Variants in PKD1 observed in about 807,000 individuals in gnomAD.
PKD1 encodes the protein polycystin 1, transient receptor potential channel interacting, also known as polycystin-1.
A neutral mutation model predicts 361.7 loss-of-function variants in PKD1; 81 were observed. The observed-to-expected ratio is 0.22, with a 90% CI of 0.19 to 0.27. PKD1 has a LOEUF of 0.27. PKD1 is among the 10% of genes least tolerant of loss of function. The pLI is 1.00. For missense variants in PKD1, 6,399 were observed against 6,118.3 expected, an observed-to-expected ratio of 1.05 and a Z score of -1.53; for synonymous variants, 3,615 against 2,818.3, an observed-to-expected ratio of 1.28 and a Z score of -8.95.
At chr16:2,125,707 T>C (rs56291459) in intron 1 of PKD1, among the ~76,000 whole-genome samples, 31,365 of 149,608 alleles carry the variant, frequency 0.21, 3,864 homozygotes, top group African/African-American at 0.32. Flanking sequence ...ATACGTATGC[T>C]ACCTGCCGCT....
intron 9 of PKD1, 148 bp from the exon 10 acceptor site, chr16:2,115,773 T>C: frequency 9.7e-7 from 1 of 1,026,912 alleles, no homozygotes. Context: ...TGCGTCCGTC[T>C]CCGGCCAGCC....
chr16:2,124,775 C>T (rs1012872231), intron 1 of PKD1, among the ~76,000 whole-genome samples: 2 of 152,202 alleles, frequency 1.3e-5, no homozygotes, highest in Non-Finnish European at 2.9e-5. Context: ...CCGCGCTGGC[C>T]GCCTCACTGG....
rs1350036043 is a variant in PKD1, at chr16:2,115,769, C to T, written c.1850-144G>A. 2.8e-5 allele frequency: 28 copies of T among 1,017,884 alleles called. 1 individual carries two copies. Among genetic ancestry groups the T allele is most frequent in the South Asian group, 9.3e-5 (6 of 64,856 alleles). 63.1% of individuals were successfully genotyped at this position (1,017,884 alleles called of 1,614,324 possible). A position where few individuals can be genotyped will look rare whatever the true frequency, so the allele number is the denominator to read the frequency against. ...AGCACTCCCAGCCCAGTGCTGCGTC[C>T]GTCTCCGGCCAGCCGACTGACCCAG... On this transcript the variant is annotated intron_variant, in intron 9 of 45. Coordinates refer to ENST00000262304, the MANE Select transcript of PKD1 (RefSeq NM_001009944.3).
rs2092262090 is a variant in PKD1 at position 2,104,593 on chromosome 16, T to G, written c.8066A>C (p.His2689Pro). Reference sequence around the variant, plus strand: ...GATGAGCATCATGGCCTCCAGCTTGTGCAGCGTCTGCTTCAGGCACGAGCG... The same window carrying G: ...GATGAGCATCATGGCCTCCAGCTTGGGCAGCGTCTGCTTCAGGCACGAGCG... ...VCRSCLKQTL[H>P]KLEAMMLILQ... Residue 2689 changes from histidine (H) to proline (P), a missense_variant, in exon 22 of 46, where the codon CAC (histidine) becomes CCC (proline). Physicochemically the swap from His to Pro is moderately conservative, Grantham distance 77 (BLOSUM62 -2). Coordinates refer to ENST00000262304, the MANE Select transcript of PKD1 (RefSeq NM_001009944.3). 2.5e-6 allele frequency: 4 copies of G among 1,597,322 alleles called. No individual in the cohort carries two copies. The highest frequency in any genetic ancestry group is 3.4e-6 in the Non-Finnish European group (4 of 1,173,228).
rs2092173953 is a variant in PKD1 at position 2,103,220 on chromosome 16, A to G, written c.8791+46T>C. On this transcript the variant is annotated intron_variant, in intron 23 of 45. Transcript: ENST00000262304. ...GCCCTACGAGAAACGCCTTCCCCCCAAGAACAAGGCCAGGGGGCCGCGTGT... is the reference window on the plus strand; with the variant it reads ...GCCCTACGAGAAACGCCTTCCCCCCGAGAACAAGGCCAGGGGGCCGCGTGT... 2.5e-6 allele frequency: 4 copies of G among 1,594,670 alleles called. No homozygotes were observed. The South Asian group carries it at 3.3e-5, about 13-fold the overall frequency.
chr16:2,123,574 C>A (rs1401688265), intron 1 of PKD1: 1 of 453,420 alleles, frequency 2.2e-6, no homozygotes, highest in Non-Finnish European at 4.4e-6. Flanking sequence ...CCACCCCGCC[C>A]CTCGGGCTTC....
chr16:2,112,318 C>T (rs748839399), intron 14 of PKD1, 22 bp downstream of exon 14: 18 of 1,579,740 alleles, frequency 1.1e-5, no homozygotes, highest in South Asian at 1.0e-4. Flanking sequence ...GGCAGTGGCC[C>T]CCTCACCCCC....
At chr16:2,114,068 G>C (rs914920250) in intron 11 of PKD1, 102 bp downstream of exon 11, 6 of 999,632 alleles carry the variant, frequency 6.0e-6, no homozygotes, top group African/African-American at 4.7e-5. Context: ...CCAGTAACTG[G>C]GCTGCTGCCC....
intron 16 of PKD1, chr16:2,107,269 G>A (rs968445842): frequency 3.0e-5 from 13 of 428,494 alleles, no homozygotes; most frequent in African/African-American, 4.1e-5. Flanking sequence ...TGGGTGTGAG[G>A]ACCGCAGCTG....
At chr16:2,091,649 G>A (rs1023153667) in intron 41 of PKD1, 52 bp from the exon 42 acceptor site, 5 of 1,556,448 alleles carry the variant, frequency 3.2e-6, no homozygotes, top group Middle Eastern at 2.0e-4. Flanking sequence ...GGGAGCTGCG[G>A]GGACCGCGCA....
At position 2,135,610 on chromosome 16, in the gene PKD1, C is replaced by G. The variant is rs1596636820; in HGVS notation, c.80G>C (p.Gly27Ala). The G allele has an allele frequency of 6.1e-6, 6 of 991,334 alleles. No individual in the cohort carries two copies. In the South Asian group the frequency reaches 2.7e-4, roughly 45 times the overall value. 61.4% of individuals were successfully genotyped at this position (991,334 alleles called of 1,614,324 possible). A position where few individuals can be genotyped will look rare whatever the true frequency, so the allele number is the denominator to read the frequency against. ...LWLGALAGGP[G>A]RGCGPCEPPC... The stretch of plus-strand genomic sequence containing the variant: ...GGGCTCGCAGGGCCCGCAGCCGCGC[C>G]CGGGGCCCCCCGCCAGCGCCCCGAG... The change falls in exon 1 of 46, where the codon GGG (glycine) becomes GCG (alanine). Residue 27 changes from glycine (G) to alanine (A), a missense_variant. Physicochemically the swap from Gly to Ala is moderately conservative, Grantham distance 60 (BLOSUM62 0). Coordinates refer to ENST00000262304, the MANE Select transcript of PKD1 (RefSeq NM_001009944.3).
At position 2,123,475 on chromosome 16, in the gene PKD1, C is replaced by T. The variant is rs1273547173; in HGVS notation, c.216-4097G>A. 6.6e-6 allele frequency: 3 copies of T among 456,378 alleles called. No homozygotes were observed. In the Admixed American group the frequency reaches 7.0e-5, roughly 11 times the overall value. The allele number at this position is 456,378 out of a possible 1,614,324, so 28.3% of individuals were successfully genotyped here. ...CCGTGGAGTCCTCACCTCGCTTGCT[C>T]CCGTACTTTTTCACGTCTCCATCTG... On this transcript the variant is annotated intron_variant, in intron 1 of 45. Coordinates refer to ENST00000262304, the MANE Select transcript of PKD1 (RefSeq NM_001009944.3).
chr16:2,090,160 G>T lies in PKD1; in HGVS notation c.12479C>A (p.Pro4160Gln), dbSNP rs780598231. Residue 4160 changes from proline (P) to glutamine (Q), a missense_variant, in exon 46 of 46, where the codon CCG (proline) becomes CAG (glutamine). Coordinates refer to ENST00000262304, the MANE Select transcript of PKD1 (RefSeq NM_001009944.3). ...GCCCCTGGAGGAGCGAGAGGGCAGC[G>T]GCTCCATCCCTTCAAAGCGGACTTT... ...RHKVRFEGMEPLPSRSSRGSK... is the reference protein window; with the variant it reads ...RHKVRFEGMEQLPSRSSRGSK... 1.9e-6 allele frequency: 3 copies of T among 1,597,234 alleles called. No homozygotes were observed. Among genetic ancestry groups the T allele is most frequent in the Non-Finnish European group, 1.7e-6 (2 of 1,171,508 alleles).
intron 21 of PKD1, among the ~76,000 whole-genome samples, chr16:2,105,057 G>GA (rs2092289585): frequency 7.2e-6 from 1 of 138,780 alleles, no homozygotes; most frequent in Admixed American, 7.0e-5. Flanking sequence ...GGGGAGAGTG[G>GA]AGGGCACAGA....
Position 2,090,925 on chromosome 16 carries a change from G to C in PKD1, c.11962C>G (p.Arg3988Gly), listed in dbSNP as rs747425659. 2.5e-6 allele frequency: 4 copies of C among 1,582,610 alleles called. No individual in the cohort carries two copies. The highest frequency in any genetic ancestry group is 2.6e-6 in the Non-Finnish European group (3 of 1,171,162). Residue 3988 changes from arginine (R) to glycine (G), a missense_variant, in exon 43 of 46, where the codon CGT becomes GGT. Arg to Gly is a moderately radical substitution (Grantham distance 125, BLOSUM62 -2). Coordinates refer to ENST00000262304, the MANE Select transcript of PKD1 (RefSeq NM_001009944.3). ...DQVAQLSSAA[R>G]GLAASLLFLL... Reference sequence around the variant, plus strand: ...AAGAGCAGCGAGGCCGCCAGGCCACGGGCTGCGGAGCTCAGCTGCGCCACC... The same window carrying C: ...AAGAGCAGCGAGGCCGCCAGGCCACCGGCTGCGGAGCTCAGCTGCGCCACC...
In PKD1 at chr16:2,118,850, A is replaced by C. The variant is rs4018168; in HGVS notation, c.360-5T>G. 10 of 1,595,618 alleles carry C rather than the reference A, an allele frequency of 6.3e-6. No homozygotes were observed. Among genetic ancestry groups the C allele is most frequent in the Non-Finnish European group, 8.5e-6 (10 of 1,178,972 alleles). On this transcript the variant is annotated splice_polypyrimidine_tract_variant and splice_region_variant and intron_variant, in intron 3 of 45. Coordinates refer to ENST00000262304, the MANE Select transcript of PKD1 (RefSeq NM_001009944.3). The surrounding 1 kb of genome is among the most constrained non-coding windows in gnomAD (Gnocchi z 6.0). ...AACGGGTTCCCACTCAGGTTTCTGCAGGGCAGGGGCAGGTGTTGGGGACCA... is the reference window on the plus strand; with the variant it reads ...AACGGGTTCCCACTCAGGTTTCTGCCGGGCAGGGGCAGGTGTTGGGGACCA...
Position 2,135,543 on chromosome 16 carries a change from G to A in PKD1, c.147C>T (p.Val49=), listed in dbSNP as rs1009646101. 4 of 1,147,906 alleles carry A rather than the reference G, an allele frequency of 3.5e-6. No homozygotes were observed. In the African/African-American group the frequency reaches 4.9e-5, roughly 14 times the overall value. The allele number at this position is 1,147,906 out of a possible 1,614,324, so 71.1% of individuals were successfully genotyped here. A position where few individuals can be genotyped will look rare whatever the true frequency, so the allele number is the denominator to read the frequency against. The stretch of plus-strand genomic sequence containing the variant: ...TCCGCAGCCCGCGGCCCGAGCAGTT[G>A]ACGCGGCAGGCGGCGCCGGGCGCTG... ...CGPAPGAACR[V]NCSGRGLRTL... The change falls in exon 1 of 46, where the codon GTC becomes GTT. Residue 49 remains valine (V), a synonymous_variant. Coordinates refer to ENST00000262304, the MANE Select transcript of PKD1 (RefSeq NM_001009944.3).
chr16:2,106,449 G>T lies in PKD1; in HGVS notation c.7438C>A (p.Pro2480Thr), dbSNP rs1350858881. 1 of 1,590,520 alleles carries T rather than the reference G, an allele frequency of 6.3e-7. No homozygotes were observed. The highest frequency in any genetic ancestry group is 1.3e-5 in the African/African-American group (1 of 74,696). ...GTGAGGGCGTGCACAGCGCCCAGTG[G>T]GAAGAGGCGGCAAGAGCCCCCCAGC... ...PPLGGSCRLF[P>T]LGAVHALTTK... The change falls in exon 18 of 46, where the codon CCA becomes ACA. Residue 2480 changes from proline to threonine, a missense_variant. Physicochemically the swap from Pro to Thr is conservative, Grantham distance 38. Transcript: ENST00000262304. This position sits in a 1 kb window ranked among gnomAD's most constrained non-coding sequence, Gnocchi z 6.5.
rs577158056 is a variant in PKD1 at position 2,107,259 on chromosome 16, T to G, written c.7066-311A>C. ...ATGCGTGTGAGAAGAGACGTATGTG[T>G]GGGTGTGAGGACCGCAGCTGCCACG... On this transcript the variant is annotated intron_variant, in intron 16 of 45. Coordinates refer to ENST00000262304, the MANE Select transcript of PKD1 (RefSeq NM_001009944.3). 4.3e-3 allele frequency: 1,901 copies of G among 443,314 alleles called. 28 individuals are homozygous for G. Among genetic ancestry groups the G allele is most frequent in the African/African-American group, 0.023 (1,129 of 49,006 alleles). 27.5% of individuals were successfully genotyped at this position (443,314 alleles called of 1,614,324 possible). A position where few individuals can be genotyped will look rare whatever the true frequency, so the allele number is the denominator to read the frequency against.
Sources: allele counts gnomAD v4.1 joint callset (sites outside exome capture counted in the v4.1 genomes callset), GRCh38; gene constraint gnomAD v4.1.1; non-coding constraint Gnocchi (gnomAD v3.1); transcripts MANE v1.5; gene names NCBI Gene and HGNC (gene_info 2026-07-23, HGNC 2026-07-21).